COL24A1: variants seen among roughly 807,000 people sequenced by gnomAD.
The protein encoded by COL24A1 is collagen type XXIV alpha 1 chain.
Under a neutral mutation model 253.9 loss-of-function variants are expected in COL24A1, and 224 were observed. The ratio of observed to expected loss-of-function variants is 0.88; its 90% confidence interval spans 0.79 to 0.99. The LOEUF (loss-of-function observed/expected upper bound fraction) is 0.99, where lower values mean the gene tolerates loss of function less well. Among genes scored for constraint, COL24A1 ranks in the 50% least tolerant of loss-of-function variants. The pLI is 0.00. For missense variants in COL24A1, 2,131 were observed against 2,068.5 expected (o/e 1.03, Z -0.59); for synonymous variants, 685 against 673.7 (o/e 1.02, Z -0.26).
At chr1:85,828,492 C>T (rs1674704978) in intron 43 of COL24A1, among the ~76,000 whole-genome samples, 1 of 151,204 alleles carries the variant, frequency 6.6e-6, no homozygotes, top group African/African-American at 2.4e-5. Context: ...GACTTTCTGT[C>T]TCGTTGATCT....
At chr1:86,110,969 T>C (rs1705522375) in intron 5 of COL24A1, among the ~76,000 whole-genome samples, 1 of 152,212 alleles carries the variant, frequency 6.6e-6, no homozygotes, top group Non-Finnish European at 1.5e-5. Context: ...CTCCGACCGT[T>C]GCCCCTGCAT....
chr1:85,945,002 G>GTTTTTTTTTTTTTTTTTTTT (rs1165341082), intron 24 of COL24A1, among the ~76,000 whole-genome samples: 1 of 35,360 alleles, frequency 2.8e-5, no homozygotes, highest in African/African-American at 1.2e-4. Flanking sequence ...CTATCATTGT[G>GTTTTTTTTTTTTTTTTTTTT]TTTTTTTTTT....
At chr1:85,989,891 A>T (rs1484500930) in intron 19 of COL24A1, among the ~76,000 whole-genome samples, 1 of 152,142 alleles carries the variant, frequency 6.6e-6, no homozygotes, top group East Asian at 1.9e-4. Flanking sequence ...CCATACCTTG[A>T]ATTAGGTTGC....
chr1:86,142,637 C>T (rs1446075089), intron 2 of COL24A1, among the ~76,000 whole-genome samples: 2 of 150,682 alleles, frequency 1.3e-5, no homozygotes, highest in East Asian at 3.9e-4. Flanking sequence ...TAAAGTAGTA[C>T]ATAAAACAAA....
At chr1:85,895,928 T>A in intron 30 of COL24A1, 26 bp from the exon 31 acceptor site, 1 of 1,606,794 alleles carries the variant, frequency 6.2e-7, no homozygotes, top group Non-Finnish European at 8.5e-7. Context: ...AATTCTTGAG[T>A]CAAGTAGTCC....
At chr1:85,834,960 T>G (rs372751120) in intron 43 of COL24A1, among the ~76,000 whole-genome samples, 3 of 152,332 alleles carry the variant, frequency 2.0e-5, no homozygotes, top group South Asian at 4.1e-4. Flanking sequence ...ACTATGTTTA[T>G]TTTTATACTG....
intron 24 of COL24A1, among the ~76,000 whole-genome samples, chr1:85,952,017 C>T (rs1689982972): frequency 1.3e-5 from 2 of 152,062 alleles, no homozygotes; most frequent in African/African-American, 4.8e-5. Flanking sequence ...AATGCTGCTC[C>T]CCTCATCGGG....
intron 55 of COL24A1, among the ~76,000 whole-genome samples, chr1:85,757,017 G>T (rs1295739616): frequency 6.6e-6 from 1 of 152,164 alleles, no homozygotes; most frequent in Admixed American, 6.5e-5. Context: ...AATTCATAGA[G>T]ACAGAAAGTA....
chr1:86,119,901 G>C (rs939248707), intron 3 of COL24A1, among the ~76,000 whole-genome samples: 1 of 152,128 alleles, frequency 6.6e-6, no homozygotes, highest in African/African-American at 2.4e-5. Flanking sequence ...ATACTACAAG[G>C]CTACAGTAAC....
At chr1:85,806,289 C>A (rs1038809103) in intron 47 of COL24A1, among the ~76,000 whole-genome samples, 1 of 152,118 alleles carries the variant, frequency 6.6e-6, no homozygotes, top group Admixed American at 6.5e-5. Flanking sequence ...AGCTAATCAA[C>A]CTTAAGAAAA....
intron 43 of COL24A1, among the ~76,000 whole-genome samples, chr1:85,835,053 A>G (rs973884318): frequency 1.3e-5 from 2 of 152,146 alleles, no homozygotes; most frequent in Non-Finnish European, 2.9e-5. Flanking sequence ...CCAATGTAAT[A>G]TCCATGGCCC....
intron 23 of COL24A1, among the ~76,000 whole-genome samples, chr1:85,961,738 A>C (rs1348532250): frequency 6.6e-6 from 1 of 152,190 alleles, no homozygotes; most frequent in African/African-American, 2.4e-5. Flanking sequence ...ATCATGATGG[A>C]AGGTAAAGGG....
chr1:85,881,266 TCAAA>T (rs1681806518), intron 32 of COL24A1, among the ~76,000 whole-genome samples: 1 of 152,120 alleles, frequency 6.6e-6, no homozygotes, highest in African/African-American at 2.4e-5. Flanking sequence ...TCAAATCAAA[TCAAA>T]TCAAACCTAT....
Position 85,847,736 on chromosome 1 carries a change from C to G in COL24A1, c.3391G>C (p.Gly1131Arg), listed in dbSNP as rs750798580. Residue 1131 changes from glycine (G) to arginine (R), a missense_variant, in exon 39 of 60, where the codon GGA becomes CGA. By Grantham distance (125) the Gly-to-Arg change is moderately radical (BLOSUM62 -2). Coordinates refer to ENST00000370571, the MANE Select transcript of COL24A1 (RefSeq NM_152890.7). ...KGQIGPTGEV[G>R]SRGPPGKIGK... The stretch of plus-strand genomic sequence containing the variant: ...ATTTTTCCAGGAGGACCTCTGCTTC[C>G]AACTTCTCCTGTGGGTCCTATTTGT... 1.9e-6 allele frequency: 3 copies of G among 1,613,748 alleles called. No individual in the cohort carries two copies. In the African/African-American group the frequency reaches 4.0e-5, roughly 22 times the overall value.
intron 2 of COL24A1, 43 bp downstream of exon 2, chr1:86,146,076 G>T (rs1465054910): frequency 1.3e-6 from 2 of 1,512,838 alleles, no homozygotes; most frequent in Non-Finnish European, 9.1e-7. Context: ...TCTGGAAGTA[G>T]AATTTTTAAG....
At chr1:85,961,416 T>G (rs893518044) in intron 23 of COL24A1, 123 bp from the exon 24 acceptor site, 60 of 741,198 alleles carry the variant, frequency 8.1e-5, no homozygotes, top group African/African-American at 1.3e-4. Context: ...GCAAAGGAAA[T>G]TTCAGTTACT....
chr1:85,945,018 T>TTTTTTTTTTTTTTTTTTTTTTTTTTTTG (rs1689174688), intron 24 of COL24A1, among the ~76,000 whole-genome samples: 1 of 86,852 alleles, frequency 1.2e-5, no homozygotes. Context: ...TTTTTTTTTT[T>TTTTTTTTTTTTTTTTTTTTTTTTTTTTG]TTTTTTTTTT....
chr1:85,923,867 C>G (rs1187263234), intron 24 of COL24A1, among the ~76,000 whole-genome samples: 1 of 152,018 alleles, frequency 6.6e-6, no homozygotes, highest in African/African-American at 2.4e-5. Flanking sequence ...TTCAAAAAAT[C>G]AATGAATCCA....
chr1:85,861,190 C>A (rs1311179567), intron 37 of COL24A1, among the ~76,000 whole-genome samples: 1 of 152,088 alleles, frequency 6.6e-6, no homozygotes, highest in Non-Finnish European at 1.5e-5. Flanking sequence ...GAAGTGGTAT[C>A]TCATTGTGGT....
Sources: allele counts gnomAD v4.1 joint callset (sites outside exome capture counted in the v4.1 genomes callset), GRCh38; gene constraint gnomAD v4.1.1; transcripts MANE v1.5; gene names NCBI Gene and HGNC (gene_info 2026-07-23, HGNC 2026-07-21).